The following SETMAR variants were observed in gnomAD, a reference collection of about 807,000 sequenced individuals.
The protein encoded by SETMAR is SET and mariner transposase domain methyltransferase, also known as histone-lysine N-methyltransferase SETMAR.
In SETMAR, 44 loss-of-function variants were observed where a neutral mutation model predicts 58.4. That is an observed-to-expected ratio of 0.75 (90% CI 0.59 to 0.97). The LOEUF (loss-of-function observed/expected upper bound fraction) is 0.97. Ranked by LOEUF, SETMAR falls within the 50% of genes least tolerant of loss-of-function variation. The pLI is 0.00. For missense variants in SETMAR, 903 were observed against 840.2 expected, an observed-to-expected ratio of 1.07 and a Z score of -0.92; for synonymous variants, 332 against 307.4, an observed-to-expected ratio of 1.08 and a Z score of -0.84.
At position 4,303,430 on chromosome 3, in the gene SETMAR, G is replaced by A. The variant is rs746435245; in HGVS notation, c.60G>A (p.Lys20=). 1.2e-5 allele frequency: 19 copies of A among 1,555,324 alleles called. No individual in the cohort carries two copies. Among genetic ancestry groups the A allele is most frequent in the Non-Finnish European group, 1.6e-5 (18 of 1,155,646 alleles). The change falls in exon 1 of 3, where the codon AAG becomes AAA. Residue 20 remains lysine, a synonymous_variant. Transcript: ENST00000358065. ...GTGGGATGGCGGAGTTTAAGGAGAA[G>A]CCTGAGGCCCCGACTGAGCAGCTGG... ...RPCGMAEFKE[K]PEAPTEQLDV...
rs139483473 is a variant in SETMAR at position 4,313,496 on chromosome 3, T to C, written c.755T>C (p.Ile252Thr). Residue 252 changes from isoleucine (I) to threonine (T), a missense_variant, in exon 2 of 3, where the codon ATT becomes ACT. Ile to Thr is a moderately conservative substitution (Grantham distance 89, BLOSUM62 -1). Coordinates refer to ENST00000358065, the MANE Select transcript of SETMAR (RefSeq NM_006515.4). ...PKLALFAAKD[I>T]VPEEELSYDY... ...TTGGCACTTTTTGCAGCCAAAGATA[T>C]TGTGCCAGAAGAAGAACTCTCTTAT... 1.2e-4 allele frequency: 199 copies of C among 1,613,978 alleles called. 1 individual carries two copies. The highest frequency in any genetic ancestry group is 2.0e-4 in the Admixed American group (12 of 59,956).
chr3:4,306,247 G>A (rs1213490725), intron 1 of SETMAR, among the ~76,000 whole-genome samples: 4 of 151,894 alleles, frequency 2.6e-5, no homozygotes, highest in African/African-American at 4.8e-5. Context: ...TGTGCCCGAC[G>A]TATTTTTTTA....
Position 4,316,981 on chromosome 3 carries a change from C to G in SETMAR, c.1790C>G (p.Pro597Arg). Residue 597 changes from proline to arginine, a missense_variant, in exon 3 of 3, where the codon CCC becomes CGC. Physicochemically the swap from Pro to Arg is moderately radical, Grantham distance 103. Transcript: ENST00000358065. ...AATGCCCGACCGCATGTTGCACAACCCACACTTCAAAAGTTGAATGAATTG... is the reference window on the plus strand; with the variant it reads ...AATGCCCGACCGCATGTTGCACAACGCACACTTCAAAAGTTGAATGAATTG... ...HDNARPHVAQPTLQKLNELGY... is the reference protein window; with the variant it reads ...HDNARPHVAQRTLQKLNELGY... 1 of 1,549,390 alleles carries G rather than the reference C, an allele frequency of 6.5e-7. No homozygotes were observed. Among genetic ancestry groups the G allele is most frequent in the Admixed American group, 2.0e-5 (1 of 50,984 alleles).
Position 4,316,463 on chromosome 3 carries a change from T to TC in SETMAR, c.1276dup (p.Leu426ProfsTer9), listed in dbSNP as rs1698651729. The TC allele has an allele frequency of 6.2e-6, 10 of 1,604,578 alleles. No homozygotes were observed. Among genetic ancestry groups the TC allele is most frequent in the Non-Finnish European group, 6.8e-6 (8 of 1,175,686 alleles). Reference sequence around the variant, plus strand: ...AGTTGAGAGCAATCATCGAAGCTGATCCCCTTACAACTACACGAGAAGTTG... The same window carrying TC: ...AGTTGAGAGCAATCATCGAAGCTGATCCCCCTTACAACTACACGAGAAGTTG... On this transcript the variant is annotated frameshift_variant, in exon 3 of 3. Coordinates refer to ENST00000358065, the MANE Select transcript of SETMAR (RefSeq NM_006515.4). LOFTEE classifies it high-confidence loss of function.
rs768463457 is a variant in SETMAR at position 4,317,011 on chromosome 3, A to G, written c.1820A>G (p.Tyr607Cys). 4 of 1,549,424 alleles carry G rather than the reference A, an allele frequency of 2.6e-6. No individual in the cohort carries two copies. Among genetic ancestry groups the G allele is most frequent in the East Asian group, 2.4e-5 (1 of 40,922 alleles). The change falls in exon 3 of 3, where the codon TAT becomes TGT. Residue 607 changes from tyrosine (Y) to cysteine (C), a missense_variant. By Grantham distance (194) the Tyr-to-Cys change is radical (BLOSUM62 -2). Coordinates refer to ENST00000358065, the MANE Select transcript of SETMAR (RefSeq NM_006515.4). ...PTLQKLNELG[Y>C]EVLPHPPYSP... ...CTTCAAAAGTTGAATGAATTGGGCT[A>G]TGAAGTTTTGCCTCATCCACCGTAT...
chr3:4,313,152 A>C lies in SETMAR; in HGVS notation c.411A>C (p.Leu137=), dbSNP rs375804787. The C allele has an allele frequency of 6.8e-6, 11 of 1,613,972 alleles. No homozygotes were observed. The African/African-American group carries it at 1.3e-4, about 20-fold the overall frequency. Residue 137 remains leucine (L), a synonymous_variant, in exon 2 of 3, where the codon CTA becomes CTC. Coordinates refer to ENST00000358065, the MANE Select transcript of SETMAR (RefSeq NM_006515.4). ...HCRNRVVQKG[L]QFHFQVFKTH... ...GAAACAGAGTGGTCCAGAAAGGTCT[A>C]CAGTTCCACTTCCAAGTGTTCAAGA...
At chr3:4,307,068 T>G (rs140252596) in intron 1 of SETMAR, among the ~76,000 whole-genome samples, 1 of 152,196 alleles carries the variant, frequency 6.6e-6, no homozygotes, top group South Asian at 2.1e-4. Context: ...AACAAACTTA[T>G]GAGGCTAGAG....
At chr3:4,314,025 T>G in intron 2 of SETMAR, 2 of 574,140 alleles carry the variant, frequency 3.5e-6, no homozygotes, top group Non-Finnish European at 6.0e-6. Context: ...TGACAAGTCC[T>G]TAAATGGAGA....
Position 4,311,629 on chromosome 3 carries a change from A to G in SETMAR, c.157-1269A>G, listed in dbSNP as rs1698408736. ...ACAGGCAGGGCAAGCTATGTATCTAATCATATATCCTTCTCTGAATTGGCA... is the reference window on the plus strand; with the variant it reads ...ACAGGCAGGGCAAGCTATGTATCTAGTCATATATCCTTCTCTGAATTGGCA... On this transcript the variant is annotated intron_variant, in intron 1 of 2. Coordinates refer to ENST00000358065, the MANE Select transcript of SETMAR (RefSeq NM_006515.4). Among the ~76,000 whole-genome samples the G allele has an allele frequency of 3.3e-5, 5 of 152,320 alleles. No homozygotes were observed. In the South Asian group the frequency reaches 1.0e-3, roughly 32 times the overall value.
intron 2 of SETMAR, 126 bp from the exon 3 acceptor site, chr3:4,316,086 G>C (rs1698631001): frequency 8.6e-6 from 4 of 463,438 alleles, no homozygotes; most frequent in Non-Finnish European, 1.5e-5. Flanking sequence ...TTTTTGCATT[G>C]TTGGAATTTG....
intron 1 of SETMAR, chr3:4,303,840 A>C: frequency 7.5e-7 from 1 of 1,339,074 alleles, no homozygotes; most frequent in Non-Finnish European, 9.9e-7. Flanking sequence ...GGAGTCATTT[A>C]CCTCCCTGGT....
Position 4,316,811 on chromosome 3 carries a change from T to A in SETMAR, c.1620T>A (p.Ala540=). The A allele has an allele frequency of 1.3e-6, 2 of 1,550,714 alleles. No individual in the cohort carries two copies. Among genetic ancestry groups the A allele is most frequent in the Non-Finnish European group, 1.7e-6 (2 of 1,146,730 alleles). ...KVMVTIWWSA[A]GLIHYSFLNP... The stretch of plus-strand genomic sequence containing the variant: ...TGGTCACTATTTGGTGGTCTGCTGC[T>A]GGTCTGATCCACTACAGCTTTCTGA... The change falls in exon 3 of 3, where the codon GCT becomes GCA. Residue 540 remains alanine (A), a synonymous_variant. Coordinates refer to ENST00000358065, the MANE Select transcript of SETMAR (RefSeq NM_006515.4).
intron 1 of SETMAR, among the ~76,000 whole-genome samples, chr3:4,312,472 A>G (rs1698444648): frequency 1.3e-5 from 2 of 152,072 alleles, no homozygotes; most frequent in Non-Finnish European, 2.9e-5. Flanking sequence ...GTACCTATAT[A>G]TAACATACTA....
At chr3:4,309,739 A>G (rs1182889664) in intron 1 of SETMAR, among the ~76,000 whole-genome samples, 1 of 152,152 alleles carries the variant, frequency 6.6e-6, no homozygotes, top group Non-Finnish European at 1.5e-5. Flanking sequence ...TAATTCTAGT[A>G]GAAAGAGAAT....
At position 4,313,754 on chromosome 3, in the gene SETMAR, C is replaced by G. The variant is rs149255014; in HGVS notation, c.1013C>G (p.Thr338Ser). ...GTGTTCCCCTCCTGCAAGCGATTGA[C>G]CCTTGAGGTGAGTCTGTTCAGTGAT... Reference protein sequence around the residue: ...PSVFPSCKRLTLETMKMMLDK... With the variant: ...PSVFPSCKRLSLETMKMMLDK... The change falls in exon 2 of 3, where the codon ACC (threonine) becomes AGC (serine). Residue 338 changes from threonine to serine, a missense_variant. By Grantham distance (58) the Thr-to-Ser change is moderately conservative. Coordinates refer to ENST00000358065, the MANE Select transcript of SETMAR (RefSeq NM_006515.4). 6.2e-7 allele frequency: 1 copy of G among 1,614,016 alleles called. No homozygotes were observed. The highest frequency in any genetic ancestry group is 1.1e-5 in the South Asian group (1 of 91,082).
chr3:4,306,425 G>T (rs1044466607), intron 1 of SETMAR, among the ~76,000 whole-genome samples: 1 of 152,132 alleles, frequency 6.6e-6, no homozygotes, highest in Non-Finnish European at 1.5e-5. Flanking sequence ...AGTGACAAGA[G>T]GAAGCTTTGT....
Position 4,317,017 on chromosome 3 carries a change from T to A in SETMAR, c.1826T>A (p.Val609Asp). The A allele has an allele frequency of 6.5e-7, 1 of 1,549,350 alleles. No homozygotes were observed. Among genetic ancestry groups the A allele is most frequent in the Non-Finnish European group, 8.7e-7 (1 of 1,146,728 alleles). The change falls in exon 3 of 3, where the codon GTT becomes GAT. Residue 609 changes from valine to aspartate, a missense_variant. Coordinates refer to ENST00000358065, the MANE Select transcript of SETMAR (RefSeq NM_006515.4). ...AAGTTGAATGAATTGGGCTATGAAGTTTTGCCTCATCCACCGTATTCACCT... is the reference window on the plus strand; with the variant it reads ...AAGTTGAATGAATTGGGCTATGAAGATTTGCCTCATCCACCGTATTCACCT... ...LQKLNELGYEVLPHPPYSPDL... is the reference protein window; with the variant it reads ...LQKLNELGYEDLPHPPYSPDL...
At chr3:4,308,026 T>TA (rs569000119) in intron 1 of SETMAR, among the ~76,000 whole-genome samples, 482 of 147,158 alleles carry the variant, frequency 3.3e-3, no homozygotes, top group South Asian at 9.4e-3. Flanking sequence ...AGCAACGTCT[T>TA]AAAAAAAAAA....
Position 4,313,313 on chromosome 3 carries a change from A to G in SETMAR, c.572A>G (p.Asn191Ser), listed in dbSNP as rs775180741. Reference protein sequence around the residue: ...RIHLQTKSDSNYIIAIREHVY... With the variant: ...RIHLQTKSDSSYIIAIREHVY... ...CACTTACAAACAAAATCCGACTCCA[A>G]TTACATTATAGCCATCAGGGAACAT... The change falls in exon 2 of 3, where the codon AAT becomes AGT. Residue 191 changes from asparagine (N) to serine (S), a missense_variant. Physicochemically the swap from Asn to Ser is conservative, Grantham distance 46. Coordinates refer to ENST00000358065, the MANE Select transcript of SETMAR (RefSeq NM_006515.4). 1.7e-5 allele frequency: 27 copies of G among 1,614,068 alleles called. No individual in the cohort carries two copies. In the South Asian group the frequency reaches 1.9e-4, roughly 11 times the overall value.
Sources: allele counts gnomAD v4.1 joint callset (sites outside exome capture counted in the v4.1 genomes callset), GRCh38; gene constraint gnomAD v4.1.1; transcripts MANE v1.5; gene names NCBI Gene and HGNC (gene_info 2026-07-23, HGNC 2026-07-21).